The following CTNNA3 variants were observed in gnomAD, a reference collection of about 807,000 sequenced individuals.
CTNNA3 encodes catenin alpha 3, also known as catenin alpha-3.
In CTNNA3, 76 loss-of-function variants were observed where a neutral mutation model predicts 95.7. The ratio of observed to expected loss-of-function variants is 0.79; its 90% CI spans 0.66 to 0.96. CTNNA3 has a LOEUF of 0.96. Ranked by LOEUF, CTNNA3 falls within the 40% of genes least tolerant of loss-of-function variation. The probability of loss-of-function intolerance (pLI) is 0.00; values close to 1 mark genes in which losing one functional copy is unlikely to be tolerated. For missense variants in CTNNA3, 1,191 were observed against 1,089.8 expected (o/e 1.09, Z -1.31); for synonymous variants, 431 against 374.4 (o/e 1.15, Z -1.74).
intron 7 of CTNNA3, among the ~76,000 whole-genome samples, chr10:66,929,637 A>G (rs1266283742): frequency 1.3e-5 from 2 of 152,192 alleles, no homozygotes; most frequent in Non-Finnish European, 2.9e-5. Context: ...GACCAACACT[A>G]TGACAGTTCT....
Position 66,587,399 on chromosome 10 carries a change from A to G in CTNNA3, c.1374+34293T>C, listed in dbSNP as rs553655480. 9.1e-4 allele frequency among the ~76,000 whole-genome samples: 138 copies of G among 152,190 alleles called. 1 individual carries two copies. The highest frequency in any genetic ancestry group is 1.9e-3 in the Non-Finnish European group (126 of 68,012). On this transcript the variant is annotated intron_variant, in intron 10 of 17. Transcript: ENST00000433211. ...AATTTGTGCTTGCTTTATGTCACTC[A>G]GGGGAGGTATTCCTGTGTCTCAGGT...
intron 7 of CTNNA3, among the ~76,000 whole-genome samples, chr10:67,109,672 G>A (rs1292066981): frequency 6.6e-6 from 1 of 152,000 alleles, no homozygotes; most frequent in Non-Finnish European, 1.5e-5. Flanking sequence ...GTGAAACCCC[G>A]CCTCTACTAA....
chr10:66,621,917 G>T, intron 9 of CTNNA3, 133 bp from the exon 10 acceptor site: 2 of 515,156 alleles, frequency 3.9e-6, no homozygotes, highest in Non-Finnish European at 3.4e-6. Flanking sequence ...AATCATCACT[G>T]GTATCTATTT....
chr10:67,699,554 C>G (rs988601133), upstream of CTNNA3, among the ~76,000 whole-genome samples: 3 of 152,176 alleles, frequency 2.0e-5, no homozygotes, highest in Non-Finnish European at 2.9e-5. Context: ...TGAAGCCACC[C>G]AGGTACACGC....
chr10:65,956,022 CT>C (rs1196586609), intron 17 of CTNNA3, among the ~76,000 whole-genome samples: 1 of 152,030 alleles, frequency 6.6e-6, no homozygotes, highest in African/African-American at 2.4e-5. Context: ...TGGTCCTGGA[CT>C]TTTTTTGGTT....
At chr10:66,390,663 C>A (rs2221571) in intron 11 of CTNNA3, among the ~76,000 whole-genome samples, 1 of 151,950 alleles carries the variant, frequency 6.6e-6, no homozygotes, top group African/African-American at 2.4e-5. Context: ...TTTTTCTTTC[C>A]CATTTACCCA....
intron 1 of CTNNA3, among the ~76,000 whole-genome samples, chr10:67,658,820 A>G (rs879827289): frequency 2.0e-5 from 3 of 152,182 alleles, no homozygotes; most frequent in Non-Finnish European, 2.9e-5. Context: ...GAACAAAACA[A>G]TATTACATTT....
intron 9 of CTNNA3, among the ~76,000 whole-genome samples, chr10:66,657,320 G>A (rs574382127): frequency 6.6e-5 from 10 of 152,108 alleles, no homozygotes; most frequent in Non-Finnish European, 1.0e-4. Context: ...AGCAGCTCTC[G>A]TTCTTTAATC....
intron 11 of CTNNA3, among the ~76,000 whole-genome samples, chr10:66,477,720 C>T (rs1478791966): frequency 6.6e-6 from 1 of 152,028 alleles, no homozygotes; most frequent in African/African-American, 2.4e-5. Context: ...GCAATACAAA[C>T]TATAACTTCA....
At chr10:67,335,716 T>C (rs1841971534) in intron 5 of CTNNA3, among the ~76,000 whole-genome samples, 1 of 152,242 alleles carries the variant, frequency 6.6e-6, no homozygotes, top group African/African-American at 2.4e-5. Context: ...AGGAGCTTAC[T>C]GCTTGTTTAT....
Position 66,439,352 on chromosome 10 carries a change from A to G in CTNNA3, c.1532-60000T>C, listed in dbSNP as rs576432456. ...TTTACATCATCACAACAATGACCCT[A>G]TGAAGAACACACATTAAAAAAGCTG... On this transcript the variant is annotated intron_variant, in intron 11 of 17. Transcript: ENST00000433211. 3.9e-5 allele frequency among the ~76,000 whole-genome samples: 6 copies of G among 152,256 alleles called. No homozygotes were observed. In the South Asian group the frequency reaches 1.2e-3, roughly 32 times the overall value.
intron 13 of CTNNA3, among the ~76,000 whole-genome samples, chr10:66,223,975 T>A (rs114013749): frequency 0.018 from 2,730 of 152,126 alleles, 95 homozygotes; most frequent in African/African-American, 0.062. Context: ...GATGGGAGGA[T>A]CACTTGAGCC....
chr10:65,945,117 AT>A (rs1260003410), intron 17 of CTNNA3, among the ~76,000 whole-genome samples: 1 of 151,750 alleles, frequency 6.6e-6, no homozygotes, highest in Non-Finnish European at 1.5e-5. Flanking sequence ...GCATTTTTAT[AT>A]GTAGGCAAAT....
intron 17 of CTNNA3, among the ~76,000 whole-genome samples, chr10:65,953,920 C>G (rs1367816840): frequency 6.6e-6 from 1 of 152,180 alleles, no homozygotes; most frequent in Non-Finnish European, 1.5e-5. Flanking sequence ...ATGGCTGGGT[C>G]AAATGGTATT....
chr10:67,204,361 GT>G (rs1383919219), intron 6 of CTNNA3, among the ~76,000 whole-genome samples: 3 of 147,928 alleles, frequency 2.0e-5, no homozygotes, highest in African/African-American at 7.9e-5. Context: ...GTTTGAAAGT[GT>G]ATGGCACCTC....
Position 67,020,936 on chromosome 10 carries a change from G to A in CTNNA3, c.1047+159381C>T, listed in dbSNP as rs568276321. 9.9e-5 allele frequency among the ~76,000 whole-genome samples: 15 copies of A among 152,232 alleles called. No homozygotes were observed. In the South Asian group the frequency reaches 1.2e-3, roughly 13 times the overall value. ...ATTGTGGCTAACACTTACACTACCCGGAAGATAGTGTGAGAAAAGGCTAGA... is the reference window on the plus strand; with the variant it reads ...ATTGTGGCTAACACTTACACTACCCAGAAGATAGTGTGAGAAAAGGCTAGA... On this transcript the variant is annotated intron_variant, in intron 7 of 17. Coordinates refer to ENST00000433211, the MANE Select transcript of CTNNA3 (RefSeq NM_013266.4).
intron 11 of CTNNA3, among the ~76,000 whole-genome samples, chr10:66,440,108 T>C (rs534003651): frequency 6.6e-6 from 1 of 152,174 alleles, no homozygotes; most frequent in Non-Finnish European, 1.5e-5. Context: ...TAAAACAGTA[T>C]TCCAATAAAT....
intron 15 of CTNNA3, among the ~76,000 whole-genome samples, chr10:66,002,171 A>G (rs2078783885): frequency 6.6e-6 from 1 of 152,204 alleles, no homozygotes; most frequent in Admixed American, 6.5e-5. Flanking sequence ...CATGGAAGCA[A>G]CCAAAAATGA....
chr10:67,522,260 T>C (rs756919302), intron 4 of CTNNA3, among the ~76,000 whole-genome samples: 4 of 152,222 alleles, frequency 2.6e-5, no homozygotes, highest in Admixed American at 6.5e-5. Context: ...TTTTAGGATA[T>C]ACTTCTGCTT....
Sources: allele counts gnomAD v4.1 joint callset (sites outside exome capture counted in the v4.1 genomes callset), GRCh38; gene constraint gnomAD v4.1.1; transcripts MANE v1.5; gene names NCBI Gene and HGNC (gene_info 2026-07-23, HGNC 2026-07-21).